KIF15: variants seen among roughly 807,000 people sequenced by gnomAD.
KIF15 encodes the protein kinesin family member 15.
In KIF15, 140 loss-of-function variants were observed where a neutral mutation model predicts 190.6. The ratio of observed to expected loss-of-function variants is 0.73; its 90% CI spans 0.64 to 0.84. The LOEUF is 0.84. KIF15 is among the 40% of genes least tolerant of loss of function. The pLI, the probability that KIF15 is intolerant of heterozygous loss-of-function variation, is 0.00. For synonymous variants in KIF15, 528 were observed against 551.3 expected (o/e 0.96, Z 0.59); for missense variants, 1,372 against 1,584.4 (o/e 0.87, Z 2.28).
chr3:44,828,909 T>G (rs1697821096), intron 24 of KIF15, among the ~76,000 whole-genome samples: 2 of 151,868 alleles, frequency 1.3e-5, no homozygotes, highest in African/African-American at 4.8e-5. Flanking sequence ...TGGTGGCACA[T>G]GCCTGTAATC....
intron 20 of KIF15, 40 bp from the exon 21 acceptor site, chr3:44,825,999 A>C: frequency 6.6e-7 from 1 of 1,517,290 alleles, no homozygotes; most frequent in Non-Finnish European, 8.9e-7. Context: ...AAATACATTA[A>C]ATGTTTATTT....
intron 6 of KIF15, among the ~76,000 whole-genome samples, chr3:44,858,847 A>AG (rs889061132): frequency 1.3e-5 from 2 of 152,202 alleles, no homozygotes; most frequent in Non-Finnish European, 2.9e-5. Flanking sequence ...TTGATTAAGA[A>AG]GGGGATGGAC....
intron 19 of KIF15, among the ~76,000 whole-genome samples, chr3:44,814,589 G>A (rs1207461971): frequency 6.6e-6 from 1 of 152,196 alleles, no homozygotes; most frequent in Non-Finnish European, 1.5e-5. Context: ...GGGATTATAG[G>A]CATAAGCCAC....
At chr3:44,807,051 T>C (rs1229841668) in intron 16 of KIF15, among the ~76,000 whole-genome samples, 2 of 152,106 alleles carry the variant, frequency 1.3e-5, no homozygotes, top group Admixed American at 1.3e-4. Flanking sequence ...CCTCAAGTTC[T>C]TTTCAATAAA....
intron 24 of KIF15, among the ~76,000 whole-genome samples, chr3:44,829,443 TTATATACGCATATATAA>T: frequency 7.2e-6 from 1 of 138,640 alleles, no homozygotes; most frequent in East Asian, 2.0e-4. Flanking sequence ...TATGTATATA[TTATATACGCATATATAA>T]TATATATGTA....
chr3:44,803,891 A>C (rs1575615047), intron 14 of KIF15, among the ~76,000 whole-genome samples: 2 of 152,202 alleles, frequency 1.3e-5, no homozygotes, highest in South Asian at 4.2e-4. Flanking sequence ...TCACTCTGTC[A>C]CCCAGGCTGT....
At chr3:44,846,771 C>CAAAA (rs765234089) in intron 30 of KIF15, among the ~76,000 whole-genome samples, 1 of 67,774 alleles carries the variant, frequency 1.5e-5, no homozygotes, top group Non-Finnish European at 3.0e-5. Flanking sequence ...GACTCTGTCT[C>CAAAA]AAAAAAAAAA....
At chr3:44,814,111 A>G (rs1707924130) in intron 19 of KIF15, among the ~76,000 whole-genome samples, 1 of 152,240 alleles carries the variant, frequency 6.6e-6, no homozygotes, top group Non-Finnish European at 1.5e-5. Flanking sequence ...GCTAAAACAA[A>G]AAGAGATAGC....
Position 44,775,115 on chromosome 3 carries a change from G to A in KIF15, c.63-139G>A, listed in dbSNP as rs1264109576. The A allele has an allele frequency of 4.6e-6, 3 of 656,108 alleles. No homozygotes were observed. In the Admixed American group the frequency reaches 8.6e-5, roughly 19 times the overall value. The allele number at this position is 656,108 out of a possible 1,614,324, so 40.6% of individuals were successfully genotyped here. ...AACTCCATCTCAAAAAAAAAAAGAG[G>A]TAAATTTGTATGGGATATGTCTTGG... On this transcript the variant is annotated intron_variant, in intron 2 of 34. Transcript: ENST00000326047.
intron 6 of KIF15, chr3:44,863,338 T>C (rs1049443890): frequency 8.0e-6 from 1 of 125,220 alleles, no homozygotes; most frequent in Non-Finnish European, 1.6e-5. Flanking sequence ...GGCAGGTTTC[T>C]AACTCACCAC....
chr3:44,830,148 A>G (rs759944191), intron 25 of KIF15, 73 bp downstream of exon 25: 27 of 647,782 alleles, frequency 4.2e-5, no homozygotes, highest in Non-Finnish European at 6.7e-5. Flanking sequence ...AGTTTAACAG[A>G]TGCTCCACCA....
chr3:44,846,750 G>A (rs2125725141), intron 30 of KIF15, among the ~76,000 whole-genome samples: 1 of 148,286 alleles, frequency 6.7e-6, no homozygotes, highest in East Asian at 2.0e-4. Flanking sequence ...TTCCAGCCTG[G>A]GACAGAGTAG....
In KIF15 at chr3:44,793,101, A is replaced by G. The variant is rs560994226; in HGVS notation, c.640-1116A>G. ...ATCTGAATTTTAACAACATCTGTAG[A>G]TGATTCATATGCACCTAAAACTTAT... On this transcript the variant is annotated intron_variant, in intron 7 of 34. Coordinates refer to ENST00000326047, the MANE Select transcript of KIF15 (RefSeq NM_020242.3). Among the ~76,000 whole-genome samples the G allele has an allele frequency of 2.5e-3, 377 of 152,316 alleles. 1 individual carries two copies. Among genetic ancestry groups the G allele is most frequent in the Non-Finnish European group, 4.5e-3 (304 of 68,030 alleles).
Position 44,801,897 on chromosome 3 carries a change from C to T in KIF15, c.1432C>T (p.Arg478Trp), listed in dbSNP as rs145055621. 8 of 1,613,524 alleles carry T rather than the reference C, an allele frequency of 5.0e-6. No homozygotes were observed. The highest frequency in any genetic ancestry group is 2.2e-5 in the East Asian group (1 of 44,890). The change falls in exon 13 of 35, where the codon CGG becomes TGG. Residue 478 changes from arginine (R) to tryptophan (W), a missense_variant. Coordinates refer to ENST00000326047, the MANE Select transcript of KIF15 (RefSeq NM_020242.3). ...CTTGGAAAAGCTCCACAAGGAATCC[C>T]GGGGAGGTTTTCTGCCTGAGGAGCA... ...IRLEKLHKES[R>W]GGFLPEEQDR...
intron 5 of KIF15, 64 bp from the exon 6 acceptor site, chr3:44,784,781 T>C (rs1706330212): frequency 4.8e-6 from 4 of 825,218 alleles, no homozygotes; most frequent in Admixed American, 2.8e-5. Flanking sequence ...TCTGTGTAAA[T>C]TGCCATTTTG....
intron 30 of KIF15, among the ~76,000 whole-genome samples, chr3:44,845,845 G>A (rs764747207): frequency 2.6e-5 from 4 of 152,162 alleles, no homozygotes; most frequent in Non-Finnish European, 5.9e-5. Flanking sequence ...CTCAGCAACA[G>A]CCATCTCCAC....
chr3:44,801,007 CATT>C lies in KIF15; in HGVS notation c.1223-442_1223-440del, dbSNP rs1217294784. Among the ~76,000 whole-genome samples, 17 of 150,076 alleles carry C rather than the reference CATT, an allele frequency of 1.1e-4. No homozygotes were observed. In the East Asian group the frequency reaches 2.3e-3, roughly 21 times the overall value. On this transcript the variant is annotated intron_variant, in intron 11 of 34. Transcript: ENST00000326047. ...ATCCGTGATCTAGTGATGACGGTCT[CATT>C]GTTTTTTTTTTTTTTGAGACGCAGT...
intron 32 of KIF15, 71 bp downstream of exon 32, chr3:44,848,629 C>G (rs1698953335): frequency 1.3e-5 from 9 of 680,176 alleles, no homozygotes; most frequent in Non-Finnish European, 2.1e-5. Context: ...GAATGATATA[C>G]CACAAGGTAG....
intron 14 of KIF15, 37 bp from the exon 15 acceptor site, chr3:44,804,985 GAAAAA>G: frequency 1.5e-6 from 2 of 1,352,124 alleles, no homozygotes; most frequent in Non-Finnish European, 9.9e-7. Context: ...CCCTGTCTCA[GAAAAA>G]AAAAAAAAAA....
Sources: gnomAD v4.1 joint callset for allele counts (sites outside exome capture counted in the v4.1 genomes callset) on GRCh38, gnomAD v4.1.1 for gene constraint, MANE v1.5 for transcripts, NCBI Gene and HGNC (gene_info 2026-07-23, HGNC 2026-07-21) for gene names.